The following PCDHA1 variants were observed in gnomAD, a reference collection of about 807,000 sequenced individuals.
PCDHA1 encodes the protein protocadherin alpha-1.
PCDHA1 carries 42 observed loss-of-function variants against 61.3 expected under a neutral mutation model. The observed-to-expected ratio is 0.69, with a 90% confidence interval of 0.54 to 0.89. The LOEUF (loss-of-function observed/expected upper bound fraction) is 0.89, where lower values mean the gene tolerates loss of function less well. Among genes scored for constraint, PCDHA1 ranks in the 40% least tolerant of loss-of-function variants. PCDHA1 has a pLI of 0.00. For synonymous variants in PCDHA1, 610 were observed against 553.8 expected, an observed-to-expected ratio of 1.10 and a Z score of -1.43; for missense variants, 1,256 against 1,235.3, an observed-to-expected ratio of 1.02 and a Z score of -0.25.
chr5:140,805,371 A>C, intron 1 of PCDHA1: 1 of 1,148,784 alleles, frequency 8.7e-7, no homozygotes, highest in Non-Finnish European at 1.1e-6. Context: ...GTCCCCACAT[A>C]GTGAAAGTAC....
intron 1 of PCDHA1, chr5:140,837,228 C>T (rs1388432907): frequency 6.6e-6 from 1 of 152,156 alleles, no homozygotes; most frequent in African/African-American, 2.4e-5. Context: ...TTAAGCATTT[C>T]TTTTACATCT....
In PCDHA1 at chr5:140,787,631, C is replaced by A. The variant is rs369392034; in HGVS notation, c.1341C>A (p.Asp447Glu). 130 of 1,613,926 alleles carry A rather than the reference C, an allele frequency of 8.1e-5. No individual in the cohort carries two copies. Among genetic ancestry groups the A allele is most frequent in the Admixed American group, 5.0e-4 (30 of 60,006 alleles). ...CCAGGGTGTCCGTGGAGGTGGCCGA[C>A]GTGAATGACAACGCGCCTGCGTTCG... The part of the protein sequence containing the change: ...ATARVSVEVA[D>E]VNDNAPAFAQ... The change falls in exon 1 of 4, where the codon GAC (aspartate) becomes GAA (glutamate). Residue 447 changes from aspartate to glutamate, a missense_variant. Transcript: ENST00000504120.
chr5:140,842,067 T>G, intron 1 of PCDHA1: 1 of 1,613,874 alleles, frequency 6.2e-7, no homozygotes, highest in Non-Finnish European at 8.5e-7. Flanking sequence ...GAATACGAAG[T>G]AAGAATATTC....
chr5:140,989,010 A>G (rs2097325577), intron 3 of PCDHA1: 1 of 152,226 alleles, frequency 6.6e-6, no homozygotes, highest in Non-Finnish European at 1.5e-5. Context: ...GAGACTTATT[A>G]TAGTTTCTTC....
intron 3 of PCDHA1, 75 bp from the exon 4 acceptor site, chr5:141,009,552 C>T: frequency 6.4e-7 from 1 of 1,562,176 alleles, no homozygotes; most frequent in Non-Finnish European, 8.7e-7. Context: ...TGCAGTACTC[C>T]TGTACTCTAC....
intron 3 of PCDHA1, chr5:140,988,966 GGA>G (rs1339632887): frequency 2.0e-5 from 3 of 152,162 alleles, no homozygotes; most frequent in African/African-American, 7.2e-5. Flanking sequence ...GCCCCACGAT[GGA>G]GAGAAGCAGG....
chr5:140,877,144 G>C, intron 1 of PCDHA1: 2 of 1,613,772 alleles, frequency 1.2e-6, no homozygotes, highest in South Asian at 1.1e-5. Context: ...CGTGCTGGAC[G>C]AGAACGACAA....
chr5:140,869,786 T>C lies in PCDHA1; in HGVS notation c.2394+81102T>C, dbSNP rs1554163459. On this transcript the variant is annotated intron_variant, in intron 1 of 3. Transcript: ENST00000504120. ...CCAGAGCTTACTGGCACCGTTCGGC[T>C]GTTAGTCCAAGTCTTGGATGTCAAC... 1.9e-6 allele frequency: 3 copies of C among 1,612,992 alleles called. No homozygotes were observed. The East Asian group carries it at 6.7e-5, about 36-fold the overall frequency.
At chr5:140,941,255 C>CTTTCTTTCTTTCTCTT (rs782490896) in intron 1 of PCDHA1, among the ~76,000 whole-genome samples, 1 of 44,508 alleles carries the variant, frequency 2.2e-5, no homozygotes, top group East Asian at 7.5e-4. Context: ...TTCTTTCTTT[C>CTTTCTTTCTTTCTCTT]TCTTTCTTTC....
intron 3 of PCDHA1, among the ~76,000 whole-genome samples, chr5:140,985,739 CTT>C (rs11372071): frequency 4.2e-4 from 50 of 117,920 alleles, no homozygotes; most frequent in Middle Eastern, 4.8e-3. Context: ...TGATGAATTC[CTT>C]TTTTTTTTTT....
intron 1 of PCDHA1, among the ~76,000 whole-genome samples, chr5:140,855,081 C>T (rs868991206): frequency 6.7e-6 from 1 of 149,844 alleles, no homozygotes; most frequent in Non-Finnish European, 1.5e-5. Context: ...GAAACCACCA[C>T]TCTCAGCCTG....
At chr5:140,956,141 C>A (rs1181002106) in intron 1 of PCDHA1, among the ~76,000 whole-genome samples, 2 of 152,122 alleles carry the variant, frequency 1.3e-5, no homozygotes, top group Non-Finnish European at 2.9e-5. Context: ...CCCTTTATTT[C>A]TTTCTCTTTC....
At chr5:140,965,880 A>G (rs1414604415) in intron 1 of PCDHA1, among the ~76,000 whole-genome samples, 1 of 152,190 alleles carries the variant, frequency 6.6e-6, no homozygotes, top group Non-Finnish European at 1.5e-5. Context: ...CTTGGCCGAG[A>G]GCAGAATTGA....
At chr5:140,849,563 G>T (rs2150440707) in intron 1 of PCDHA1, 1 of 1,598,488 alleles carries the variant, frequency 6.3e-7, no homozygotes, top group Non-Finnish European at 8.6e-7. Context: ...AAACGCTCTC[G>T]GTTCCTGTAA....
rs2150469499 is a variant in PCDHA1 at position 140,850,144 on chromosome 5, C to T, written c.2394+61460C>T. 59 of 1,595,512 alleles carry T rather than the reference C, an allele frequency of 3.7e-5. 6 individuals carry two copies. Among genetic ancestry groups the T allele is most frequent in the Non-Finnish European group, 4.5e-5 (53 of 1,167,848 alleles). On this transcript the variant is annotated intron_variant, in intron 1 of 3. Coordinates refer to ENST00000504120, the MANE Select transcript of PCDHA1 (RefSeq NM_018900.4). ...GTGCCGCCTCTGGGCAGCAACGTGA[C>T]GCTGCAGGTGTTCGTGCTGGACGAG... is the stretch of plus-strand genomic sequence containing the variant.
intron 1 of PCDHA1, among the ~76,000 whole-genome samples, chr5:140,958,932 C>T (rs2095452700): frequency 8.5e-6 from 1 of 118,160 alleles, no homozygotes; most frequent in South Asian, 2.5e-4. Flanking sequence ...GTGGCTCATA[C>T]TTGTAATAAT....
intron 1 of PCDHA1, chr5:140,969,446 C>A (rs782526198): frequency 6.5e-7 from 1 of 1,541,082 alleles, no homozygotes; most frequent in African/African-American, 1.4e-5. Flanking sequence ...ATCTGGTAAA[C>A]TGAGTATATA....
chr5:140,880,801 GAA>G (rs1193515493), intron 1 of PCDHA1, among the ~76,000 whole-genome samples: 5 of 152,182 alleles, frequency 3.3e-5, no homozygotes, highest in African/African-American at 1.2e-4. Flanking sequence ...ATAAATAGGT[GAA>G]TGACTCTAGA....
rs2098420803 is a variant in PCDHA1, at chr5:141,011,492, A to G, written c.*1555A>G. 1 of 153,698 alleles carries G rather than the reference A, an allele frequency of 6.5e-6. No individual in the cohort carries two copies. Among genetic ancestry groups the G allele is most frequent in the African/African-American group, 2.4e-5 (1 of 41,432 alleles). 9.5% of individuals were successfully genotyped at this position (153,698 alleles called of 1,614,324 possible). A position where few individuals can be genotyped will look rare whatever the true frequency, so the allele number is the denominator to read the frequency against. On this transcript the variant is annotated 3_prime_UTR_variant, in exon 4 of 4. Transcript: ENST00000504120. ...AATTCCATTATATTTCCTTTTGTAC[A>G]CCTGTGAAAAAGTGGAGTAGTGTTT... is the stretch of plus-strand genomic sequence containing the variant.
Sources: allele counts gnomAD v4.1 joint callset (sites outside exome capture counted in the v4.1 genomes callset), GRCh38; gene constraint gnomAD v4.1.1; transcripts MANE v1.5; gene names NCBI Gene and HGNC (gene_info 2026-07-23, HGNC 2026-07-21).